Variants in KCNT2 observed in about 807,000 individuals in gnomAD.
KCNT2 encodes potassium sodium-activated channel subfamily T member 2.
KCNT2 carries 67 observed loss-of-function variants against 153.8 expected under a neutral mutation model. That is an observed-to-expected ratio of 0.44 (90% CI 0.36 to 0.53). The LOEUF (loss-of-function observed/expected upper bound fraction) is 0.53. Among genes scored for constraint, KCNT2 ranks in the 20% least tolerant of loss-of-function variants. KCNT2 has a pLI of 0.00. For missense variants in KCNT2, 975 were observed against 1,354.8 expected, an observed-to-expected ratio of 0.72 and a Z score of 4.40; for synonymous variants, 500 against 458.8, an observed-to-expected ratio of 1.09 and a Z score of -1.15.
intron 22 of KCNT2, among the ~76,000 whole-genome samples, chr1:196,295,564 T>C (rs180991302): frequency 2.4e-4 from 37 of 151,738 alleles, no homozygotes; most frequent in African/African-American, 7.2e-4. Flanking sequence ...GCAATCCCCA[T>C]TGGGTGAAAT....
At chr1:196,245,557 T>C (rs1184381407) in intron 26 of KCNT2, among the ~76,000 whole-genome samples, 1 of 152,146 alleles carries the variant, frequency 6.6e-6, no homozygotes, top group African/African-American at 2.4e-5. Context: ...AGACAGATAT[T>C]TGATTGTTTA....
chr1:196,422,614 C>T (rs181973509), intron 12 of KCNT2, among the ~76,000 whole-genome samples: 6 of 151,962 alleles, frequency 3.9e-5, no homozygotes, highest in Non-Finnish European at 8.8e-5. Context: ...TTTAAAAATA[C>T]AGAGATTGTT....
At chr1:196,594,868 T>C (rs1015145251) in intron 1 of KCNT2, among the ~76,000 whole-genome samples, 2 of 152,098 alleles carry the variant, frequency 1.3e-5, no homozygotes, top group Admixed American at 6.6e-5. Context: ...AAAAGCATTT[T>C]AGGAAGAAAA....
At chr1:196,261,409 T>C (rs1189951200) in intron 25 of KCNT2, among the ~76,000 whole-genome samples, 1 of 151,872 alleles carries the variant, frequency 6.6e-6, no homozygotes, top group Non-Finnish European at 1.5e-5. Context: ...TCTGAAGACA[T>C]AAAAGAGATA....
chr1:196,480,837 CAG>C (rs1168339547), intron 4 of KCNT2, among the ~76,000 whole-genome samples: 2 of 103,216 alleles, frequency 1.9e-5, no homozygotes, highest in African/African-American at 3.9e-5. Context: ...GCCTGGGCGA[CAG>C]AGAGAGACTT....
intron 1 of KCNT2, among the ~76,000 whole-genome samples, chr1:196,605,204 T>G (rs1457678034): frequency 6.6e-6 from 1 of 152,158 alleles, no homozygotes; most frequent in Non-Finnish European, 1.5e-5. Flanking sequence ...AAAACAGCTA[T>G]CTTGATGCAG....
At chr1:196,406,225 A>G (rs1489141265) in intron 12 of KCNT2, among the ~76,000 whole-genome samples, 2 of 151,548 alleles carry the variant, frequency 1.3e-5, no homozygotes, top group Non-Finnish European at 3.0e-5. Context: ...CAGAAGATTC[A>G]TAGTATTTAT....
chr1:196,501,232 T>G (rs1316642250), intron 1 of KCNT2, among the ~76,000 whole-genome samples: 1 of 152,142 alleles, frequency 6.6e-6, no homozygotes, highest in East Asian at 1.9e-4. Context: ...AGTCATTTAT[T>G]ATATCAAAAA....
chr1:196,351,628 T>C (rs1341766118), intron 14 of KCNT2, among the ~76,000 whole-genome samples: 8 of 152,018 alleles, frequency 5.3e-5, no homozygotes, highest in Admixed American at 5.2e-4. Flanking sequence ...GTTTTCTAGA[T>C]ATACAATCAT....
chr1:196,356,646 A>G lies in KCNT2; in HGVS notation c.1404-14418T>C, dbSNP rs189865727. ...ACCTATTGACCTCCTCCTGTAAGAT[A>G]TAACAGAAAAGAATTTTTTCACAGT... On this transcript the variant is annotated intron_variant, in intron 14 of 27. Transcript: ENST00000294725. Among the ~76,000 whole-genome samples, 9 of 152,000 alleles carry G rather than the reference A, an allele frequency of 5.9e-5. No homozygotes were observed. The East Asian group carries it at 1.7e-3, about 29-fold the overall frequency.
intron 8 of KCNT2, among the ~76,000 whole-genome samples, chr1:196,432,122 G>A (rs1199719120): frequency 1.3e-5 from 2 of 152,100 alleles, no homozygotes; most frequent in African/African-American, 2.4e-5. Context: ...TCAAGCAGGT[G>A]CAGGAGTGAC....
chr1:196,310,485 C>A (rs1662058290), intron 21 of KCNT2, among the ~76,000 whole-genome samples: 1 of 151,848 alleles, frequency 6.6e-6, no homozygotes, highest in Non-Finnish European at 1.5e-5. Flanking sequence ...CCAATCTAAA[C>A]ATTAAAAGTG....
chr1:196,464,600 A>G (rs539159166), intron 8 of KCNT2, among the ~76,000 whole-genome samples: 1 of 151,982 alleles, frequency 6.6e-6, no homozygotes, highest in South Asian at 2.1e-4. Flanking sequence ...AATTACACAT[A>G]TCTAAGATTC....
At chr1:196,367,053 C>T (rs866529270) in intron 14 of KCNT2, among the ~76,000 whole-genome samples, 19 of 152,238 alleles carry the variant, frequency 1.2e-4, no homozygotes, top group African/African-American at 2.6e-4. Flanking sequence ...ATTTGCAACA[C>T]GCCTACTACA....
At chr1:196,257,798 G>C in intron 26 of KCNT2, 1 of 984,364 alleles carries the variant, frequency 1.0e-6, no homozygotes, top group African/African-American at 1.7e-5. Context: ...GTTTACCTGT[G>C]GCCAATACAA....
intron 14 of KCNT2, among the ~76,000 whole-genome samples, chr1:196,350,528 T>A (rs1572133018): frequency 6.6e-6 from 1 of 152,166 alleles, no homozygotes. Context: ...TCTGTTCATA[T>A]CCTTTGCCCA....
At chr1:196,394,005 GTCTC>G (rs1370847877) in intron 13 of KCNT2, among the ~76,000 whole-genome samples, 4 of 151,438 alleles carry the variant, frequency 2.6e-5, no homozygotes, top group Non-Finnish European at 4.4e-5. Context: ...GTGAAAAAAA[GTCTC>G]TCACTGGAAA....
intron 13 of KCNT2, among the ~76,000 whole-genome samples, chr1:196,379,794 G>A (rs771402557): frequency 6.6e-6 from 1 of 152,058 alleles, no homozygotes; most frequent in Non-Finnish European, 1.5e-5. Flanking sequence ...GCCAGGCCAT[G>A]GGCAAATTTC....
chr1:196,406,183 G>T (rs1025595620), intron 12 of KCNT2, among the ~76,000 whole-genome samples: 2 of 151,332 alleles, frequency 1.3e-5, no homozygotes, highest in African/African-American at 4.8e-5. Flanking sequence ...ACATATATCT[G>T]ATAATATCAA....
Sources: allele counts gnomAD v4.1 joint callset (sites outside exome capture counted in the v4.1 genomes callset), GRCh38; gene constraint gnomAD v4.1.1; transcripts MANE v1.5; gene names NCBI Gene and HGNC (gene_info 2026-07-23, HGNC 2026-07-21).